The following QTMAN variants were observed in gnomAD, a reference collection of about 807,000 sequenced individuals.
QTMAN encodes the protein tRNA-queuosine alpha-mannosyltransferase.
At chr2:144,231,334 C>T in the QTMAN span, among the ~76,000 whole-genome samples, 2 of 152,024 alleles carry the variant, frequency 1.3e-5, no homozygotes, top group Admixed American at 1.3e-4. Context: ...AAATGAAGTA[C>T]TAGTTATAAT....
At chr2:144,177,379 G>A in the QTMAN span, 1 of 567,616 alleles carries the variant, frequency 1.8e-6, no homozygotes, top group Admixed American at 3.0e-5. Context: ...GTCAATTGGA[G>A]ATGAAGACCA....
chr2:144,008,431 G>T, the QTMAN span, among the ~76,000 whole-genome samples: 1 of 151,904 alleles, frequency 6.6e-6, no homozygotes, highest in African/African-American at 2.4e-5. Flanking sequence ...GGGAAGCTCT[G>T]GAGTCAGAGA....
chr2:144,225,601 T>G, the QTMAN span, among the ~76,000 whole-genome samples: 4 of 152,158 alleles, frequency 2.6e-5, no homozygotes, highest in Non-Finnish European at 5.9e-5. Flanking sequence ...CCATACACAT[T>G]CCTACCTGCA....
the QTMAN span, among the ~76,000 whole-genome samples, chr2:144,325,914 A>G: frequency 1.3e-5 from 2 of 152,362 alleles, no homozygotes; most frequent in East Asian, 3.9e-4. Flanking sequence ...TGTTCAATAC[A>G]TGACTACTGT....
chr2:144,116,843 G>A, the QTMAN span, among the ~76,000 whole-genome samples: 2 of 152,176 alleles, frequency 1.3e-5, no homozygotes, highest in Non-Finnish European at 2.9e-5. Flanking sequence ...GTTTAGAGCA[G>A]CGAGTCAGAA....
the QTMAN span, among the ~76,000 whole-genome samples, chr2:144,319,542 C>T: frequency 6.6e-6 from 1 of 151,984 alleles, no homozygotes; most frequent in Non-Finnish European, 1.5e-5. Context: ...ACCAATACCA[C>T]CAAAATTTTT....
At chr2:144,270,669 G>A in the QTMAN span, among the ~76,000 whole-genome samples, 2 of 150,466 alleles carry the variant, frequency 1.3e-5, no homozygotes, top group Non-Finnish European at 3.0e-5. Flanking sequence ...GGGGGGGCAA[G>A]GGGAGGGATA....
chr2:144,056,096 C>T, the QTMAN span, among the ~76,000 whole-genome samples: 1 of 152,102 alleles, frequency 6.6e-6, no homozygotes, highest in Non-Finnish European at 1.5e-5. Context: ...GTGAGCTATG[C>T]TATATTTTAC....
At chr2:144,136,429 G>GGAAAGGAAAA in the QTMAN span, among the ~76,000 whole-genome samples, 4 of 147,462 alleles carry the variant, frequency 2.7e-5, no homozygotes, top group African/African-American at 1.0e-4. Flanking sequence ...GGAAAGGAAA[G>GGAAAGGAAAA]GAAAGGAAAA....
chr2:143,952,733 T>C, the QTMAN span: 1 of 1,259,064 alleles, frequency 7.9e-7, no homozygotes. Flanking sequence ...GAATCATATA[T>C]TAAATCTCAA....
chr2:143,982,853 C>CAA, the QTMAN span, among the ~76,000 whole-genome samples: 324 of 60,558 alleles, frequency 5.4e-3, 2 homozygotes, highest in Middle Eastern at 0.011. Context: ...GACTCTGTCT[C>CAA]AAAAAAAAAA....
the QTMAN span, among the ~76,000 whole-genome samples, chr2:144,087,883 T>C: frequency 2.0e-5 from 3 of 151,998 alleles, no homozygotes; most frequent in Admixed American, 2.0e-4. Flanking sequence ...TTTCCTTTAA[T>C]AACTGGAACA....
the QTMAN span, among the ~76,000 whole-genome samples, chr2:144,091,873 C>T: frequency 6.6e-6 from 1 of 152,066 alleles, no homozygotes; most frequent in Non-Finnish European, 1.5e-5. Context: ...GACTATTAGA[C>T]ACCAAACAAA....
chr2:144,008,271 G>C, the QTMAN span, among the ~76,000 whole-genome samples: 1 of 151,860 alleles, frequency 6.6e-6, no homozygotes, highest in Non-Finnish European at 1.5e-5. Context: ...ACAGACACAA[G>C]AACAGCCAAC....
the QTMAN span, chr2:144,208,629 C>T: frequency 6.2e-7 from 1 of 1,613,624 alleles, no homozygotes; most frequent in Admixed American, 1.7e-5. Context: ...TGGGAATGGT[C>T]TGAGAGAAAT....
At chr2:144,175,716 T>G in the QTMAN span, among the ~76,000 whole-genome samples, 7 of 152,050 alleles carry the variant, frequency 4.6e-5, no homozygotes, top group East Asian at 1.4e-3. Flanking sequence ...CATGCTGGAG[T>G]GCAGTGGCAG....
At chr2:144,056,149 ATATT>A in the QTMAN span, among the ~76,000 whole-genome samples, 1 of 152,226 alleles carries the variant, frequency 6.6e-6, no homozygotes, top group Non-Finnish European at 1.5e-5. Context: ...TTATGATGTC[ATATT>A]TAAAGAAGCA....
At chr2:144,036,347 A>G in the QTMAN span, among the ~76,000 whole-genome samples, 2 of 152,170 alleles carry the variant, frequency 1.3e-5, no homozygotes, top group Non-Finnish European at 2.9e-5. Context: ...ATGCCAGATA[A>G]TTTGTTTTCA....
At chr2:144,182,577 G>T in the QTMAN span, among the ~76,000 whole-genome samples, 2 of 143,808 alleles carry the variant, frequency 1.4e-5, no homozygotes, top group Non-Finnish European at 3.0e-5. Flanking sequence ...CAGGGAGGCG[G>T]AGTTTGCAGT....
Sources: allele counts gnomAD v4.1 joint callset (sites outside exome capture counted in the v4.1 genomes callset), GRCh38; gene constraint gnomAD v4.1.1; transcripts MANE v1.5; gene names NCBI Gene and HGNC (gene_info 2026-07-23, HGNC 2026-07-21).